APLF: variants seen among roughly 807,000 people sequenced by gnomAD.
APLF encodes the protein aprataxin and PNKP like factor.
Under a neutral mutation model 55.6 loss-of-function variants are expected in APLF, and 61 were observed. That is an observed-to-expected ratio of 1.10 (90% CI 0.89 to 1.36). APLF has a LOEUF of 1.36. Among genes scored for constraint, APLF ranks in the 40% most tolerant of loss-of-function variants. The pLI is 0.00. For missense variants in APLF, 611 were observed against 602.5 expected, an observed-to-expected ratio of 1.01 and a Z score of -0.15; for synonymous variants, 207 against 214.8, an observed-to-expected ratio of 0.96 and a Z score of 0.32.
intron 9 of APLF, among the ~76,000 whole-genome samples, chr2:68,569,131 T>C (rs1464331906): frequency 6.6e-6 from 1 of 152,168 alleles, no homozygotes; most frequent in East Asian, 1.9e-4. Context: ...TTGATTCATT[T>C]ACTCACACAT....
chr2:68,548,034 G>A (rs1670751752), intron 8 of APLF, among the ~76,000 whole-genome samples: 2 of 151,778 alleles, frequency 1.3e-5, no homozygotes, highest in Non-Finnish European at 3.0e-5. Flanking sequence ...GTTTAAGAAG[G>A]AAGGTAAGTT....
chr2:68,550,796 AATTTC>A (rs1405247306), intron 8 of APLF, among the ~76,000 whole-genome samples: 4 of 151,988 alleles, frequency 2.6e-5, no homozygotes, highest in Non-Finnish European at 4.4e-5. Context: ...ACATCACTTT[AATTTC>A]ATTTACTTCC....
rs35925899 is a variant in APLF at position 68,513,203 on chromosome 2, C to G, written c.465C>G (p.Thr155=). ...AAGGAAGCACAGAAATAGCCAAGACCCAGATGACTCCCACAAATAGTGTGG... is the reference window on the plus strand; with the variant it reads ...AAGGAAGCACAGAAATAGCCAAGACGCAGATGACTCCCACAAATAGTGTGG... ...QLEGSTEIAK[T]QMTPTNSVSF... Residue 155 remains threonine, a synonymous_variant, in exon 4 of 10, where the codon ACC becomes ACG. Transcript: ENST00000303795. 16,239 of 1,608,420 alleles carry G rather than the reference C, an allele frequency of 0.01. 103 individuals are homozygous for G. Among genetic ancestry groups the G allele is most frequent in the Non-Finnish European group, 0.011 (12,964 of 1,177,518 alleles).
At chr2:68,535,419 C>T in intron 6 of APLF, 2 of 314,732 alleles carry the variant, frequency 6.4e-6, no homozygotes, top group Non-Finnish European at 6.5e-6. Context: ...TTTGGATTTA[C>T]ACAGATGAAT....
rs1439792721 is a variant in APLF, at chr2:68,578,957, C to T, written c.*935C>T. 1 of 984,658 alleles carries T rather than the reference C, an allele frequency of 1.0e-6. No individual in the cohort carries two copies. Among genetic ancestry groups the T allele is most frequent in the Non-Finnish European group, 1.2e-6 (1 of 829,408 alleles). 61.0% of individuals were successfully genotyped at this position (984,658 alleles called of 1,614,324 possible). A position where few individuals can be genotyped will look rare whatever the true frequency, so the allele number is the denominator to read the frequency against. On this transcript the variant is annotated 3_prime_UTR_variant, in exon 10 of 10. Transcript: ENST00000303795. ...TTTCTGTATTTCTGTTCTAAAACTA[C>T]TTTAAGCCCTATAATGCTCTTCATA...
At chr2:68,562,150 G>T (rs12713647) in intron 8 of APLF, among the ~76,000 whole-genome samples, 1 of 151,866 alleles carries the variant, frequency 6.6e-6, no homozygotes, top group South Asian at 2.1e-4. Context: ...CAGAAAGGCA[G>T]TTACCACATG....
At chr2:68,477,112 C>T (rs1160938818) in intron 1 of APLF, among the ~76,000 whole-genome samples, 1 of 152,138 alleles carries the variant, frequency 6.6e-6, no homozygotes, top group Non-Finnish European at 1.5e-5. Context: ...AACATACACA[C>T]ACAAACACAG....
At chr2:68,571,114 A>G (rs1671448061) in intron 9 of APLF, among the ~76,000 whole-genome samples, 1 of 151,906 alleles carries the variant, frequency 6.6e-6, no homozygotes, top group African/African-American at 2.4e-5. Context: ...GTGTCTGTTC[A>G]TATCCTTCAC....
chr2:68,481,245 C>A (rs1675943259), intron 1 of APLF, among the ~76,000 whole-genome samples: 1 of 151,996 alleles, frequency 6.6e-6, no homozygotes, highest in African/African-American at 2.4e-5. Flanking sequence ...TGTAGTAATT[C>A]CTTTAAGTAT....
chr2:68,514,560 G>A (rs1236697569), intron 5 of APLF, among the ~76,000 whole-genome samples: 1 of 151,710 alleles, frequency 6.6e-6, no homozygotes, highest in Non-Finnish European at 1.5e-5. Context: ...TGGGTCCTTG[G>A]GCCCCATACA....
chr2:68,565,914 C>T (rs1445359480), intron 8 of APLF, among the ~76,000 whole-genome samples: 3 of 151,960 alleles, frequency 2.0e-5, no homozygotes, highest in South Asian at 2.1e-4. Context: ...TTAATATGTT[C>T]GTTACCCAAG....
intron 2 of APLF, among the ~76,000 whole-genome samples, chr2:68,492,555 TCTTAC>T (rs1391530336): frequency 5.9e-5 from 9 of 152,170 alleles, no homozygotes; most frequent in Non-Finnish European, 1.3e-4. Flanking sequence ...TAGTTGAAAA[TCTTAC>T]CTTGAGTTAA....
At chr2:68,577,722 T>A in intron 9 of APLF, 98 bp from the exon 10 acceptor site, 1 of 1,423,440 alleles carries the variant, frequency 7.0e-7, no homozygotes, top group Non-Finnish European at 9.6e-7. Context: ...TTAATAAAAT[T>A]AATCCTCTGG....
In APLF at chr2:68,467,685, A is replaced by T. The variant is rs1380892063; in HGVS notation, c.-47A>T. 15 of 1,224,432 alleles carry T rather than the reference A, an allele frequency of 1.2e-5. No homozygotes were observed. Among genetic ancestry groups the T allele is most frequent in the Non-Finnish European group, 1.5e-5 (15 of 979,052 alleles). 75.8% of individuals were successfully genotyped at this position (1,224,432 alleles called of 1,614,324 possible). A position where few individuals can be genotyped will look rare whatever the true frequency, so the allele number is the denominator to read the frequency against. ...GCGCGTGTCTGTGGAGGGCGGAAAC[A>T]GCGGAGGGGCCAGTCTCCTGGCGAA... On this transcript the variant is annotated 5_prime_UTR_variant, in exon 1 of 10. Coordinates refer to ENST00000303795, the MANE Select transcript of APLF (RefSeq NM_173545.3).
At chr2:68,559,481 G>C (rs1320333842) in intron 8 of APLF, among the ~76,000 whole-genome samples, 1 of 152,016 alleles carries the variant, frequency 6.6e-6, no homozygotes. Context: ...CTCTAAGTCA[G>C]AACTCTTGAT....
chr2:68,559,910 C>T (rs6741037), intron 8 of APLF, among the ~76,000 whole-genome samples: 36,341 of 151,968 alleles, frequency 0.24, 7,026 homozygotes, highest in African/African-American at 0.54. Flanking sequence ...TTACAAGTTC[C>T]CTGACTTCAT....
In APLF at chr2:68,529,169, G is replaced by A. The variant is rs1670171038; in HGVS notation, c.804+2927G>A. ...CAGCACGGGTTTCTTCCTTGAGGGG[G>A]GGCTCCAGACAACAGGAGGCAGGAC... On this transcript the variant is annotated intron_variant, in intron 6 of 9. Transcript: ENST00000303795. This position sits in a 1 kb window ranked among gnomAD's most constrained non-coding sequence, Gnocchi z 4.4. The A allele has an allele frequency of 3.1e-6, 4 of 1,294,904 alleles. No homozygotes were observed. The East Asian group carries it at 1.0e-4, about 33-fold the overall frequency. 80.2% of individuals were successfully genotyped at this position (1,294,904 alleles called of 1,614,324 possible).
intron 8 of APLF, among the ~76,000 whole-genome samples, chr2:68,565,515 A>ATAGC (rs1671282742): frequency 1.1e-5 from 1 of 88,710 alleles, no homozygotes; most frequent in Non-Finnish European, 2.4e-5. Context: ...AGACAGATAG[A>ATAGC]TACATACATA....
At chr2:68,482,832 G>A (rs1049222714) in intron 1 of APLF, among the ~76,000 whole-genome samples, 5 of 152,106 alleles carry the variant, frequency 3.3e-5, no homozygotes, top group Admixed American at 3.3e-4. Flanking sequence ...GTGGTCTGCT[G>A]TTTCTCTGGC....
Sources: gnomAD v4.1 joint callset for allele counts (sites outside exome capture counted in the v4.1 genomes callset) on GRCh38, gnomAD v4.1.1 for gene constraint, Gnocchi (gnomAD v3.1) non-coding constraint, MANE v1.5 for transcripts, NCBI Gene and HGNC (gene_info 2026-07-23, HGNC 2026-07-21) for gene names.